The following PRR5L variants were observed in gnomAD, a reference collection of about 807,000 sequenced individuals.
PRR5L encodes proline-rich protein 5-like.
A neutral mutation model predicts 36.4 loss-of-function variants in PRR5L; 21 were observed. That is an observed-to-expected ratio of 0.58 (90% CI 0.41 to 0.83). The LOEUF is 0.83. Ranked by LOEUF, PRR5L falls within the 40% of genes least tolerant of loss-of-function variation. PRR5L has a pLI of 0.00. For synonymous variants in PRR5L, 188 were observed against 197.0 expected (o/e 0.95, Z 0.38); for missense variants, 381 against 473.3 (o/e 0.80, Z 1.81).
intron 5 of PRR5L, among the ~76,000 whole-genome samples, chr11:36,434,172 C>T (rs1165752400): frequency 6.6e-6 from 1 of 152,134 alleles, no homozygotes; most frequent in Non-Finnish European, 1.5e-5. Context: ...CTGGCATGGC[C>T]TGAGAGCACC....
intron 1 of PRR5L, among the ~76,000 whole-genome samples, chr11:36,347,756 T>A (rs1227848494): frequency 6.6e-6 from 1 of 151,756 alleles, no homozygotes. Flanking sequence ...AGCCAGCATG[T>A]AAGGGCGAGA....
intron 1 of PRR5L, among the ~76,000 whole-genome samples, chr11:36,316,148 G>A (rs1394806981): frequency 1.3e-5 from 2 of 152,188 alleles, no homozygotes; most frequent in Non-Finnish European, 1.5e-5. Context: ...TTTAGGCACC[G>A]AGGGCCATAT....
chr11:36,323,389 G>C (rs1021636173), intron 1 of PRR5L: 8 of 152,232 alleles, frequency 5.3e-5, no homozygotes, highest in African/African-American at 1.7e-4. Flanking sequence ...AGGTAGCAGG[G>C]TTGAGCATCA....
chr11:36,421,100 A>G (rs775427116), intron 4 of PRR5L, among the ~76,000 whole-genome samples: 9 of 152,116 alleles, frequency 5.9e-5, no homozygotes, highest in Non-Finnish European at 1.0e-4. Context: ...CTACTGATTG[A>G]TTTTTTTTAA....
intron 1 of PRR5L, among the ~76,000 whole-genome samples, chr11:36,352,993 G>A (rs1856991334): frequency 6.6e-6 from 1 of 152,200 alleles, no homozygotes; most frequent in South Asian, 2.1e-4. Context: ...ATTTGGTTTT[G>A]TTTGTTTGTT....
intron 5 of PRR5L, among the ~76,000 whole-genome samples, chr11:36,435,166 C>T (rs1464155326): frequency 1.3e-5 from 2 of 152,060 alleles, no homozygotes; most frequent in Non-Finnish European, 2.9e-5. Flanking sequence ...CAGGGTGACT[C>T]AGATTGTGAG....
chr11:36,449,772 G>T (rs1404130652), intron 7 of PRR5L, among the ~76,000 whole-genome samples: 1 of 152,212 alleles, frequency 6.6e-6, no homozygotes, highest in East Asian at 1.9e-4. Flanking sequence ...GCCAAGCCAA[G>T]GGCTGAGGAC....
intron 1 of PRR5L, among the ~76,000 whole-genome samples, chr11:36,304,959 A>C (rs575071787): frequency 6.6e-6 from 1 of 152,220 alleles, no homozygotes; most frequent in African/African-American, 2.4e-5. Flanking sequence ...CTTTGCAAAC[A>C]GTCTGTGCAT....
intron 4 of PRR5L, among the ~76,000 whole-genome samples, chr11:36,421,585 T>C (rs1858266729): frequency 6.6e-6 from 1 of 152,178 alleles, no homozygotes; most frequent in Non-Finnish European, 1.5e-5. Flanking sequence ...GCACACAGCT[T>C]TTTTTTCTTT....
chr11:36,413,751 G>A lies in PRR5L; in HGVS notation c.246-5504G>A, dbSNP rs537027926. Among the ~76,000 whole-genome samples the A allele has an allele frequency of 6.8e-4, 100 of 147,574 alleles. No homozygotes were observed. The South Asian group carries it at 0.021, about 31-fold the overall frequency. On this transcript the variant is annotated intron_variant, in intron 3 of 8. Transcript: ENST00000530639. ...TTATTATTATACTTTTAGTGTACGT[G>A]TGCACAATGTGCAGGTTAGTTACAT...
intron 1 of PRR5L, among the ~76,000 whole-genome samples, chr11:36,310,825 C>A (rs141720661): frequency 1.3e-5 from 2 of 151,690 alleles, no homozygotes; most frequent in Non-Finnish European, 2.9e-5. Context: ...GGTGAAACCC[C>A]GTCTCTACTA....
At chr11:36,405,033 T>C (rs1857880379) in intron 3 of PRR5L, among the ~76,000 whole-genome samples, 1 of 152,140 alleles carries the variant, frequency 6.6e-6, no homozygotes, top group Non-Finnish European at 1.5e-5. Flanking sequence ...CTCAGGAATG[T>C]GCTAATTGTT....
At chr11:36,306,637 A>T (rs1035989168) in intron 1 of PRR5L, among the ~76,000 whole-genome samples, 6 of 152,064 alleles carry the variant, frequency 3.9e-5, no homozygotes, top group Admixed American at 3.9e-4. Context: ...CATTATTATT[A>T]TTTTTTAATG....
intron 1 of PRR5L, among the ~76,000 whole-genome samples, chr11:36,307,789 A>G (rs753998163): frequency 2.1e-4 from 32 of 152,238 alleles, no homozygotes; most frequent in Non-Finnish European, 4.0e-4. Context: ...GCTAAAAAAG[A>G]ACATGTAATA....
At chr11:36,349,212 A>G (rs2133486591) in intron 1 of PRR5L, among the ~76,000 whole-genome samples, 1 of 142,832 alleles carries the variant, frequency 7.0e-6, no homozygotes, top group South Asian at 2.3e-4. Context: ...TGAACCCGCG[A>G]GGCGGAGGTT....
intron 1 of PRR5L, among the ~76,000 whole-genome samples, chr11:36,367,146 A>C (rs897127216): frequency 6.6e-6 from 1 of 152,166 alleles, no homozygotes. Context: ...TTCTCAGACC[A>C]CTTATTGAAG....
chr11:36,343,632 T>C (rs1296805697), intron 1 of PRR5L, among the ~76,000 whole-genome samples: 4 of 152,314 alleles, frequency 2.6e-5, no homozygotes, highest in African/African-American at 9.6e-5. Flanking sequence ...TGAGATTTGC[T>C]CTCAGGTGGT....
At chr11:36,319,302 C>T (rs1358960416) in intron 1 of PRR5L, among the ~76,000 whole-genome samples, 1 of 152,162 alleles carries the variant, frequency 6.6e-6, no homozygotes, top group Non-Finnish European at 1.5e-5. Flanking sequence ...CATCTTATTA[C>T]CACAGGGAAG....
intron 1 of PRR5L, chr11:36,349,841 G>C (rs1028469882): frequency 6.6e-6 from 1 of 152,188 alleles, no homozygotes; most frequent in Non-Finnish European, 1.5e-5. Context: ...GCAGGAAAGG[G>C]GTGGTGAAAA....
Sources: gnomAD v4.1 joint callset for allele counts (sites outside exome capture counted in the v4.1 genomes callset) on GRCh38, gnomAD v4.1.1 for gene constraint, MANE v1.5 for transcripts, NCBI Gene and HGNC (gene_info 2026-07-23, HGNC 2026-07-21) for gene names.